The following HNF4A variants were observed in gnomAD, a reference collection of about 807,000 sequenced individuals.
The protein encoded by HNF4A is hepatocyte nuclear factor 4 alpha.
Under a neutral mutation model 52.4 loss-of-function variants are expected in HNF4A, and 15 were observed. That is an observed-to-expected ratio of 0.29 (90% CI 0.19 to 0.44). The LOEUF is 0.44. Ranked by LOEUF, HNF4A falls within the 20% of genes least tolerant of loss-of-function variation. The probability of loss-of-function intolerance (pLI) is 1.00; values close to 1 mark genes in which losing one functional copy is unlikely to be tolerated. For missense variants in HNF4A, 479 were observed against 647.2 expected (o/e 0.74, Z 2.82); for synonymous variants, 280 against 264.4 (o/e 1.06, Z -0.57).
Position 44,424,228 on chromosome 20 carries a change from A to G in HNF4A, c.1103A>G (p.Asn368Ser), listed in dbSNP as rs756892403. The G allele has an allele frequency of 1.9e-6, 3 of 1,614,048 alleles. No individual in the cohort carries two copies. The highest frequency in any genetic ancestry group is 2.5e-6 in the Non-Finnish European group (3 of 1,179,984). ...CTCTTCGGCATGGCCAAGATTGACA[A>G]CCTGTTGCAGGAGATGCTGCTGGGA... Residue 368 changes from asparagine (N) to serine (S), a missense_variant, in exon 8 of 10, where the codon AAC (asparagine) becomes AGC (serine). This residue lies in a region of HNF4A where 389 missense variants were observed against 525.1 expected (regional missense o/e 0.74). Coordinates refer to ENST00000316099, the MANE Select transcript of HNF4A (RefSeq NM_000457.6).
At chr20:44,392,784 G>A (rs2063316384) in intron 1 of HNF4A, among the ~76,000 whole-genome samples, 1 of 152,188 alleles carries the variant, frequency 6.6e-6, no homozygotes, top group Non-Finnish European at 1.5e-5. Flanking sequence ...ACAGTGGCTG[G>A]AACCAGAGCT....
chr20:44,374,588 C>T (rs1251523429), intron 1 of HNF4A, among the ~76,000 whole-genome samples: 1 of 152,116 alleles, frequency 6.6e-6, no homozygotes, highest in Admixed American at 6.6e-5. Flanking sequence ...CTCAGCCTCC[C>T]AAGTAGCTGG....
intron 1 of HNF4A, among the ~76,000 whole-genome samples, chr20:44,377,592 A>G (rs955246172): frequency 2.6e-5 from 4 of 152,092 alleles, no homozygotes; most frequent in South Asian, 4.1e-4. Context: ...GTGAAACCCT[A>G]TCTCTATTGA....
intron 6 of HNF4A, 137 bp from the exon 7 acceptor site, chr20:44,419,583 CT>C (rs1266634985): frequency 9.8e-6 from 8 of 812,744 alleles, no homozygotes; most frequent in Non-Finnish European, 1.5e-5. Context: ...GCTTCCTTAC[CT>C]GTGAAATGGG....
At chr20:44,362,122 C>T (rs1600627144) in intron 1 of HNF4A, among the ~76,000 whole-genome samples, 1 of 152,090 alleles carries the variant, frequency 6.6e-6, no homozygotes, top group East Asian at 1.9e-4. Context: ...TAAAAGCATG[C>T]TGAGGCTGGG....
chr20:44,424,905 A>T (rs1476264433), intron 8 of HNF4A, among the ~76,000 whole-genome samples: 1 of 152,236 alleles, frequency 6.6e-6, no homozygotes, highest in African/African-American at 2.4e-5. Context: ...AATCATAAAC[A>T]TATGGCTTTG....
intron 2 of HNF4A, 66 bp from the exon 3 acceptor site, chr20:44,407,315 C>T: frequency 8.4e-7 from 1 of 1,190,328 alleles, no homozygotes; most frequent in East Asian, 2.5e-5. Flanking sequence ...ATAGCCAGGG[C>T]CCTAGTTCTG....
intron 1 of HNF4A, chr20:44,377,697 G>GT (rs1203094373): frequency 6.6e-6 from 1 of 151,470 alleles, no homozygotes; most frequent in Non-Finnish European, 1.5e-5. Flanking sequence ...TGGGAGGCAG[G>GT]TAAAAAAAAC....
At chr20:44,360,693 T>A (rs2062907544) in intron 1 of HNF4A, among the ~76,000 whole-genome samples, 1 of 152,118 alleles carries the variant, frequency 6.6e-6, no homozygotes, top group African/African-American at 2.4e-5. Context: ...CAATACTGTA[T>A]ATCTGTTTTT....
rs1229235923 is a variant in HNF4A, at chr20:44,432,747, C to T, written c.*3082C>T. ...TGCGCTGACCCCTGAGCCCCCATCA[C>T]TGCCGCCTGATGGGGCAAAGAAACA... On this transcript the variant is annotated 3_prime_UTR_variant, in exon 10 of 10. Transcript: ENST00000316099. 1 of 152,170 alleles carries T rather than the reference C, an allele frequency of 6.6e-6. No individual in the cohort carries two copies. The highest frequency in any genetic ancestry group is 1.5e-5 in the Non-Finnish European group (1 of 68,024). 9.4% of individuals were successfully genotyped at this position (152,170 alleles called of 1,614,324 possible). A position where few individuals can be genotyped will look rare whatever the true frequency, so the allele number is the denominator to read the frequency against.
chr20:44,426,004 A>C (rs2063810737), intron 8 of HNF4A, among the ~76,000 whole-genome samples: 1 of 152,100 alleles, frequency 6.6e-6, no homozygotes, highest in Admixed American at 6.6e-5. Context: ...TTACAAATCC[A>C]AGTTATCAAG....
chr20:44,390,451 T>C (rs1217236726), intron 1 of HNF4A: 1 of 585,400 alleles, frequency 1.7e-6, no homozygotes, highest in East Asian at 2.8e-5. Context: ...GCATGGATCC[T>C]GGACAGGTCT....
chr20:44,396,922 CA>C (rs1424740157), upstream of HNF4A, among the ~76,000 whole-genome samples: 5 of 152,184 alleles, frequency 3.3e-5, no homozygotes, highest in South Asian at 2.1e-4. Flanking sequence ...AAAGAGAGGT[CA>C]GGGGAAGAGA....
intron 8 of HNF4A, among the ~76,000 whole-genome samples, chr20:44,425,026 G>A (rs1469669242): frequency 1.3e-5 from 2 of 152,208 alleles, no homozygotes; most frequent in Non-Finnish European, 2.9e-5. Flanking sequence ...CAATCATCCA[G>A]GCTGGAGTGC....
At chr20:44,385,057 A>ATTTTTTTTTT (rs1491454694) in intron 1 of HNF4A, among the ~76,000 whole-genome samples, 3 of 29,920 alleles carry the variant, frequency 1.0e-4, no homozygotes, top group Admixed American at 5.5e-4. Context: ...GAACTCTGTG[A>ATTTTTTTTTT]TCTTTTTTTT....
chr20:44,405,933 G>A (rs1387592485), intron 1 of HNF4A, 125 bp from the exon 2 acceptor site: 1 of 888,000 alleles, frequency 1.1e-6, no homozygotes, highest in Non-Finnish European at 1.9e-6. Context: ...GTGGGGAGGT[G>A]ATGGAGTGGG....
chr20:44,416,283 AG>A (rs2063663729), intron 5 of HNF4A, among the ~76,000 whole-genome samples: 1 of 152,212 alleles, frequency 6.6e-6, no homozygotes, highest in Admixed American at 6.5e-5. Context: ...TGTCCTCCAA[AG>A]GGCTTCCCAA....
Position 44,407,490 on chromosome 20 carries a change from TC to T in HNF4A, c.385+19del. 2 of 1,544,958 alleles carry T rather than the reference TC, an allele frequency of 1.3e-6. No homozygotes were observed. Among genetic ancestry groups the T allele is most frequent in the Non-Finnish European group, 1.8e-6 (2 of 1,135,636 alleles). On this transcript the variant is annotated intron_variant, in intron 3 of 9. Transcript: ENST00000316099. ...GAAGAAGGAAGGTGAGCCTCGGCCC[TC>T]CCCGCCCCACCACCACTGCCCCACC...
At chr20:44,390,965 CTG>C (rs2063295579) in intron 1 of HNF4A, among the ~76,000 whole-genome samples, 1 of 152,192 alleles carries the variant, frequency 6.6e-6, no homozygotes, top group African/African-American at 2.4e-5. Flanking sequence ...GTTGGGGAAA[CTG>C]AGGCACGGAG....
Sources: gnomAD v4.1 joint callset for allele counts (sites outside exome capture counted in the v4.1 genomes callset) on GRCh38, gnomAD v4.1.1 for gene constraint, gnomAD v4.1.1 regional missense constraint, MANE v1.5 for transcripts, NCBI Gene and HGNC (gene_info 2026-07-23, HGNC 2026-07-21) for gene names.